The following PLXDC2 variants were observed in gnomAD, a reference collection of about 807,000 sequenced individuals.
The protein encoded by PLXDC2 is plexin domain-containing protein 2.
A neutral mutation model predicts 68.9 loss-of-function variants in PLXDC2; 40 were observed. That is an observed-to-expected ratio of 0.58 (90% CI 0.45 to 0.76). The LOEUF is 0.76. PLXDC2 is among the 30% of genes least tolerant of loss of function. The pLI is 0.00. For missense variants in PLXDC2, 644 were observed against 661.9 expected (o/e 0.97, Z 0.30); for synonymous variants, 243 against 234.2 (o/e 1.04, Z -0.34).
chr10:20,168,098 T>G (rs79871371), intron 7 of PLXDC2, among the ~76,000 whole-genome samples: 1 of 152,090 alleles, frequency 6.6e-6, no homozygotes, highest in Non-Finnish European at 1.5e-5. Flanking sequence ...TAAATCCTTC[T>G]GAGTTTACAA....
Position 20,279,891 on chromosome 10 carries a change from G to GACAA in PLXDC2, c.*84_*87dup, listed in dbSNP as rs1836059000. 1 of 1,162,918 alleles carries GACAA rather than the reference G, an allele frequency of 8.6e-7. No homozygotes were observed. The highest frequency in any genetic ancestry group is 1.5e-5 in the African/African-American group (1 of 65,504). 72.0% of individuals were successfully genotyped at this position (1,162,918 alleles called of 1,614,324 possible). ...ACTAAAATTTTGCCTATACCTTTAA[G>GACAA]ACAAACAAACAAACACACACACAAA... is the stretch of plus-strand genomic sequence containing the variant. On this transcript the variant is annotated 3_prime_UTR_variant, in exon 14 of 14. Transcript: ENST00000377252.
chr10:19,981,092 A>G (rs377059554), intron 1 of PLXDC2, among the ~76,000 whole-genome samples: 3 of 152,184 alleles, frequency 2.0e-5, no homozygotes, highest in Non-Finnish European at 2.9e-5. Context: ...CAGCTGTTTG[A>G]CATTTGCTGA....
At chr10:20,237,247 T>G (rs954753367) in intron 12 of PLXDC2, among the ~76,000 whole-genome samples, 1 of 152,162 alleles carries the variant, frequency 6.6e-6, no homozygotes, top group Non-Finnish European at 1.5e-5. Flanking sequence ...ATTGTGAATG[T>G]ATTGTCACAG....
chr10:20,280,061 G>A lies in PLXDC2; in HGVS notation c.*242G>A, dbSNP rs1836061914. 1 of 433,310 alleles carries A rather than the reference G, an allele frequency of 2.3e-6. No homozygotes were observed. Among genetic ancestry groups the A allele is most frequent in the African/African-American group, 2.0e-5 (1 of 49,792 alleles). The allele number at this position is 433,310 out of a possible 1,614,324, so 26.8% of individuals were successfully genotyped here. On this transcript the variant is annotated 3_prime_UTR_variant, in exon 14 of 14. Coordinates refer to ENST00000377252, the MANE Select transcript of PLXDC2 (RefSeq NM_032812.9). ...ATTCCCTAGTGGAATGTCATCTATA[G>A]TTCACTCGGAACATCTCCCGTGGAC...
intron 7 of PLXDC2, among the ~76,000 whole-genome samples, chr10:20,169,784 C>T (rs1026383366): frequency 2.6e-5 from 4 of 152,156 alleles, no homozygotes; most frequent in African/African-American, 9.7e-5. Flanking sequence ...TTAACACTCC[C>T]ATGCAGGGCC....
At chr10:19,928,475 C>A (rs1343637598) in intron 1 of PLXDC2, among the ~76,000 whole-genome samples, 1 of 152,106 alleles carries the variant, frequency 6.6e-6, no homozygotes, top group Non-Finnish European at 1.5e-5. Flanking sequence ...TTTTGTAGTG[C>A]AAATAATCTG....
intron 1 of PLXDC2, among the ~76,000 whole-genome samples, chr10:19,874,319 C>G (rs909539488): frequency 2.0e-5 from 3 of 152,164 alleles, no homozygotes; most frequent in African/African-American, 7.2e-5. Context: ...AGACATGGAA[C>G]AATTTTCTTT....
intron 13 of PLXDC2, among the ~76,000 whole-genome samples, chr10:20,265,720 A>T (rs1182510568): frequency 1.3e-5 from 2 of 152,188 alleles, no homozygotes; most frequent in African/African-American, 4.8e-5. Context: ...CTAACTACTT[A>T]CTATAATTCA....
intron 1 of PLXDC2, among the ~76,000 whole-genome samples, chr10:19,990,907 A>T (rs559484463): frequency 6.6e-6 from 1 of 152,324 alleles, no homozygotes; most frequent in South Asian, 2.1e-4. Context: ...ATTCCCAAAA[A>T]AGTGAAAAAA....
chr10:20,032,996 A>G (rs1056300509), intron 2 of PLXDC2, among the ~76,000 whole-genome samples: 3 of 139,666 alleles, frequency 2.1e-5, no homozygotes, highest in Non-Finnish European at 4.6e-5. Flanking sequence ...GAACACTTGG[A>G]CACAGGAAGG....
At chr10:19,963,271 A>T (rs1834192495) in intron 1 of PLXDC2, among the ~76,000 whole-genome samples, 1 of 152,188 alleles carries the variant, frequency 6.6e-6, no homozygotes. Flanking sequence ...TTCATCTGAC[A>T]TCTGATGTAT....
intron 4 of PLXDC2, among the ~76,000 whole-genome samples, chr10:20,126,388 A>ATAATACATATATACATATGTGTTG (rs1564324955): frequency 8.3e-5 from 12 of 144,558 alleles, no homozygotes; most frequent in African/African-American, 2.9e-4. Context: ...CATATGTGTT[A>ATAATACATATATACATATGTGTTG]TATAATACAT....
chr10:19,851,083 T>C (rs1380072808), intron 1 of PLXDC2, among the ~76,000 whole-genome samples: 1 of 152,180 alleles, frequency 6.6e-6, no homozygotes, highest in Non-Finnish European at 1.5e-5. Context: ...CAAAGTATTT[T>C]ATGACATTGA....
intron 1 of PLXDC2, among the ~76,000 whole-genome samples, chr10:19,920,902 G>A (rs938205990): frequency 1.3e-5 from 2 of 151,842 alleles, no homozygotes; most frequent in African/African-American, 2.4e-5. Flanking sequence ...CAGTTTGTAT[G>A]ATTTTTATTA....
intron 4 of PLXDC2, among the ~76,000 whole-genome samples, chr10:20,105,048 CAA>C (rs11289832): frequency 0.16 from 15,106 of 96,958 alleles, 1,045 homozygotes; most frequent in African/African-American, 0.24. Flanking sequence ...AGACTCCATC[CAA>C]AAAAAAAAAA....
At chr10:19,984,633 G>A (rs1183990787) in intron 1 of PLXDC2, among the ~76,000 whole-genome samples, 1 of 152,182 alleles carries the variant, frequency 6.6e-6, no homozygotes, top group Non-Finnish European at 1.5e-5. Context: ...TTCTGCGCAT[G>A]ACTGATGGTG....
At chr10:20,146,466 CCTTT>C (rs199932796) in intron 5 of PLXDC2, among the ~76,000 whole-genome samples, 3,183 of 136,778 alleles carry the variant, frequency 0.023, 59 homozygotes, top group South Asian at 0.059. Context: ...TTCCTTCCTT[CCTTT>C]CTTTCTTTTC....
chr10:20,265,914 C>G (rs1835866417), intron 13 of PLXDC2, among the ~76,000 whole-genome samples: 1 of 152,156 alleles, frequency 6.6e-6, no homozygotes, highest in African/African-American at 2.4e-5. Context: ...TCCTGCCCCA[C>G]CAACGGGATA....
At chr10:19,938,044 C>T (rs1353395136) in intron 1 of PLXDC2, among the ~76,000 whole-genome samples, 9 of 152,086 alleles carry the variant, frequency 5.9e-5, no homozygotes, top group Non-Finnish European at 1.3e-4. Flanking sequence ...AACTCATAAC[C>T]TCTATTTGCT....
Sources: gnomAD v4.1 joint callset for allele counts (sites outside exome capture counted in the v4.1 genomes callset) on GRCh38, gnomAD v4.1.1 for gene constraint, MANE v1.5 for transcripts, NCBI Gene and HGNC (gene_info 2026-07-23, HGNC 2026-07-21) for gene names.